CNPY1: variants seen among roughly 807,000 people sequenced by gnomAD.
CNPY1 encodes canopy FGF signaling regulator 1, also known as protein canopy homolog 1.
Under a neutral mutation model 14.4 loss-of-function variants are expected in CNPY1, and 14 were observed. The ratio of observed to expected loss-of-function variants is 0.97; its 90% CI spans 0.64 to 1.52. CNPY1 has a LOEUF of 1.52. Ranked by LOEUF, CNPY1 falls within the 40% of genes most tolerant of loss-of-function variation. The pLI is 0.00. For missense variants in CNPY1, 129 were observed against 131.5 expected, an observed-to-expected ratio of 0.98 and a Z score of 0.09; for synonymous variants, 43 against 46.5, an observed-to-expected ratio of 0.92 and a Z score of 0.31.
At chr7:155,511,308 G>C (rs1223972009) in intron 2 of CNPY1, among the ~76,000 whole-genome samples, 3 of 152,130 alleles carry the variant, frequency 2.0e-5, no homozygotes, top group Admixed American at 1.3e-4. Context: ...TTGAGTAGAG[G>C]CCACGCTGAA....
At chr7:155,543,050 C>A (rs1258979757) in intron 2 of CNPY1, among the ~76,000 whole-genome samples, 1 of 152,224 alleles carries the variant, frequency 6.6e-6, no homozygotes, top group Non-Finnish European at 1.5e-5. Context: ...ACCCGCCTCA[C>A]CCCTCCCACA....
intron 2 of CNPY1, among the ~76,000 whole-genome samples, chr7:155,513,496 C>T (rs907118174): frequency 6.6e-6 from 1 of 151,936 alleles, no homozygotes; most frequent in African/African-American, 2.4e-5. Context: ...CTAAATGTTG[C>T]CTGCTATAAT....
At chr7:155,517,708 CAAACA>C (rs1796648882) in intron 2 of CNPY1, among the ~76,000 whole-genome samples, 1 of 152,224 alleles carries the variant, frequency 6.6e-6, no homozygotes, top group Admixed American at 6.5e-5. Context: ...GGGGTCCGCC[CAAACA>C]CCTGAATGCT....
intron 4 of CNPY1, among the ~76,000 whole-genome samples, chr7:155,504,884 A>G (rs1451277413): frequency 6.6e-6 from 1 of 152,242 alleles, no homozygotes; most frequent in Non-Finnish European, 1.5e-5. Context: ...ATTAGGCACC[A>G]GTGCATCTGG....
intron 2 of CNPY1, among the ~76,000 whole-genome samples, chr7:155,524,176 G>A (rs1193050436): frequency 6.6e-6 from 1 of 152,248 alleles, no homozygotes; most frequent in African/African-American, 2.4e-5. Flanking sequence ...CAGAAGTGAA[G>A]AATTAATAAT....
At chr7:155,544,784 TCTTGAAGGATCCATC>T (rs1220485254) in intron 2 of CNPY1, among the ~76,000 whole-genome samples, 1 of 152,122 alleles carries the variant, frequency 6.6e-6, no homozygotes, top group African/African-American at 2.4e-5. Context: ...CAGACACGGC[TCTTGAAGGATCCATC>T]CTTGAGTGTG....
intron 2 of CNPY1, among the ~76,000 whole-genome samples, chr7:155,521,641 T>C (rs1217486463): frequency 6.6e-6 from 1 of 152,194 alleles, no homozygotes; most frequent in East Asian, 1.9e-4. Context: ...TTTTTACATT[T>C]ATAAAGGATT....
chr7:155,515,305 C>CTA (rs1344040144), intron 2 of CNPY1, among the ~76,000 whole-genome samples: 5,158 of 143,314 alleles, frequency 0.036, 363 homozygotes, highest in African/African-American at 0.12. Flanking sequence ...CCCCCCCCCC[C>CTA]CCCGGCCCCG....
rs548903457 is a variant in CNPY1 at position 155,514,993 on chromosome 7, G to A, written c.100-5896C>T. 5.3e-5 allele frequency among the ~76,000 whole-genome samples: 8 copies of A among 152,252 alleles called. No individual in the cohort carries two copies. In the East Asian group the frequency reaches 1.2e-3, roughly 22 times the overall value. On this transcript the variant is annotated intron_variant, in intron 2 of 4. Transcript: ENST00000636446. ...TGGATGATGAGTCAGGAAATTCTGC[G>A]TGCTTCATCTCACAGATGAGAAAGC...
chr7:155,527,054 C>CTTTCTTTCTTTCTTTCTTTCTTTTTTTT (rs56296833), intron 2 of CNPY1, among the ~76,000 whole-genome samples: 1 of 90,344 alleles, frequency 1.1e-5, no homozygotes, highest in African/African-American at 5.1e-5. Flanking sequence ...TTCTTTCTTT[C>CTTTCTTTCTTTCTTTCTTTCTTTTTTTT]TTTTTTTTTT....
intron 2 of CNPY1, among the ~76,000 whole-genome samples, chr7:155,532,581 A>G (rs903696186): frequency 3.3e-5 from 5 of 151,076 alleles, no homozygotes; most frequent in African/African-American, 1.2e-4. Context: ...AGATCGCGCC[A>G]CTGCACTCCA....
At chr7:155,516,739 AGTGTGCCATCCCCAGGAAT>A (rs1485257578) in intron 2 of CNPY1, among the ~76,000 whole-genome samples, 2 of 152,146 alleles carry the variant, frequency 1.3e-5, no homozygotes, top group Non-Finnish European at 2.9e-5. Flanking sequence ...CCTCAGACCC[AGTGTGCCATCCCCAGGAAT>A]GTCCTGGGCC....
At chr7:155,545,790 A>G (rs1797150167) in intron 2 of CNPY1, 41 bp downstream of exon 2, 2 of 398,390 alleles carry the variant, frequency 5.0e-6, no homozygotes, top group Admixed American at 8.8e-5. Flanking sequence ...AATTGCCCAT[A>G]TCCGCAATTA....
At chr7:155,506,872 T>A in intron 4 of CNPY1, 148 bp downstream of exon 4, 3 of 655,882 alleles carry the variant, frequency 4.6e-6, no homozygotes. Context: ...CATGCTGTCG[T>A]TTCTGATTCA....
In CNPY1 at chr7:155,540,229, A is replaced by G. The variant is rs532460155; in HGVS notation, c.99+5602T>C. ...GGGCTGGAGGAGGAAACAAGGTTAG[A>G]AAGTCCAGAATTCTGAGACAGCTTC... On this transcript the variant is annotated intron_variant, in intron 2 of 4. Coordinates refer to ENST00000636446, the MANE Select transcript of CNPY1 (RefSeq NM_001393663.1). Among the ~76,000 whole-genome samples, 3 of 152,336 alleles carry G rather than the reference A, an allele frequency of 2.0e-5. 1 individual carries two copies. The South Asian group carries it at 6.2e-4, about 32-fold the overall frequency.
chr7:155,528,435 G>C (rs1796869756), intron 2 of CNPY1, among the ~76,000 whole-genome samples: 1 of 152,368 alleles, frequency 6.6e-6, no homozygotes, highest in South Asian at 2.1e-4. Context: ...TCTGTCCCAG[G>C]TTAAGCTACG....
chr7:155,510,294 G>A (rs1796497449), intron 2 of CNPY1: 1 of 152,382 alleles, frequency 6.6e-6, no homozygotes, highest in African/African-American at 2.4e-5. Context: ...GAAAGCGCGG[G>A]CGGAGGGTGC....
chr7:155,520,106 T>C (rs758591181), intron 2 of CNPY1, among the ~76,000 whole-genome samples: 1 of 152,230 alleles, frequency 6.6e-6, no homozygotes, highest in Non-Finnish European at 1.5e-5. Flanking sequence ...ATGCTCATAT[T>C]TCTGGCCGAG....
intron 2 of CNPY1, among the ~76,000 whole-genome samples, chr7:155,532,587 C>G (rs745523819): frequency 6.6e-6 from 1 of 152,074 alleles, no homozygotes; most frequent in Non-Finnish European, 1.5e-5. Context: ...CGCCACTGCA[C>G]TCCAGCCTGG....
Sources: allele counts gnomAD v4.1 joint callset (sites outside exome capture counted in the v4.1 genomes callset), GRCh38; gene constraint gnomAD v4.1.1; transcripts MANE v1.5; gene names NCBI Gene and HGNC (gene_info 2026-07-23, HGNC 2026-07-21).